The following FAT1 variants were observed in gnomAD, a reference collection of about 807,000 sequenced individuals.
FAT1 encodes the protein FAT atypical cadherin 1.
FAT1 carries 171 observed loss-of-function variants against 329.8 expected under a neutral mutation model. The ratio of observed to expected loss-of-function variants is 0.52; its 90% confidence interval spans 0.46 to 0.59. FAT1 has a LOEUF of 0.59. FAT1 is among the 20% of genes least tolerant of loss of function. The pLI, the probability that FAT1 is intolerant of heterozygous loss-of-function variation, is 0.00. For missense variants in FAT1, 5,672 were observed against 5,774.4 expected, an observed-to-expected ratio of 0.98 and a Z score of 0.57; for synonymous variants, 2,233 against 2,228.6, an observed-to-expected ratio of 1.00 and a Z score of -0.06.
rs1242462463 is a variant in FAT1, at chr4:186,709,241, G to C, written c.587C>G (p.Ala196Gly). Residue 196 changes from alanine to glycine, a missense_variant, in exon 2 of 27, where the codon GCT becomes GGT. Physicochemically the swap from Ala to Gly is moderately conservative, Grantham distance 60. This residue lies in a region of FAT1 where 3,966 missense variants were observed against 3,915.2 expected (regional missense o/e 1.01). Transcript: ENST00000441802. ...YSFKDRTDMF[A>G]IHPTSGVIVL... ...TATCACACCACTGGTTGGGTGAATA[G>C]CAAACATATCTGTTCGATCTTTAAA... is the stretch of plus-strand genomic sequence containing the variant. 1.2e-6 allele frequency: 2 copies of C among 1,614,008 alleles called. No homozygotes were observed. Among genetic ancestry groups the C allele is most frequent in the South Asian group, 2.2e-5 (2 of 91,090 alleles).
At chr4:186,629,577 A>C (rs1740489153) in intron 7 of FAT1, among the ~76,000 whole-genome samples, 1 of 152,226 alleles carries the variant, frequency 6.6e-6, no homozygotes, top group Admixed American at 6.5e-5. Flanking sequence ...GAGTTTAAGA[A>C]GAAGAAAACT....
rs1157383372 is a variant in FAT1 at position 186,707,388 on chromosome 4, C to G, written c.2440G>C (p.Asp814His). ...AWRLLHVVVV[D>H]ANDNPPEFLQ... ...AACTCGGGTGGATTATCATTGGCATCGACAACCACGACATGTAGAAGACGC... is the reference window on the plus strand; with the variant it reads ...AACTCGGGTGGATTATCATTGGCATGGACAACCACGACATGTAGAAGACGC... Residue 814 changes from aspartate (D) to histidine (H), a missense_variant, in exon 2 of 27, where the codon GAT (aspartate) becomes CAT (histidine). Around this residue, in one of 2 missense-constraint regions of FAT1, gnomAD observed 3,966 missense variants for 3,915.2 expected, o/e 1.01. Transcript: ENST00000441802. 1 of 1,613,940 alleles carries G rather than the reference C, an allele frequency of 6.2e-7. No homozygotes were observed. Among genetic ancestry groups the G allele is most frequent in the Non-Finnish European group, 8.5e-7 (1 of 1,179,892 alleles).
rs1744653061 is a variant in FAT1 at position 186,707,014 on chromosome 4, C to T, written c.2814G>A (p.Glu938=). ...TGATGACGGTTCCTTCTGGAAGATC[C>T]TCTCGGACTTTCACACGATAATTAG... is the stretch of plus-strand genomic sequence containing the variant. ...IPPNYRVKVR[E]DLPEGTVIMW... The change falls in exon 2 of 27, where the codon GAG becomes GAA. Residue 938 remains glutamate (E), a synonymous_variant. Coordinates refer to ENST00000441802, the MANE Select transcript of FAT1 (RefSeq NM_005245.4). The T allele has an allele frequency of 5.0e-6, 8 of 1,613,864 alleles. No homozygotes were observed. The highest frequency in any genetic ancestry group is 1.7e-5 in the Admixed American group (1 of 60,006).
chr4:186,631,157 T>C (rs1740565730), intron 7 of FAT1, among the ~76,000 whole-genome samples: 1 of 152,176 alleles, frequency 6.6e-6, no homozygotes, highest in South Asian at 2.1e-4. Context: ...ATGGCTGCTC[T>C]GTTGACTTCT....
In FAT1 at chr4:186,708,367, G is replaced by A. The variant is rs200179902; in HGVS notation, c.1461C>T (p.Ala487=). The stretch of plus-strand genomic sequence containing the variant: ...CGTTCTCACCCTCATCAGGGTCTAC[G>A]GCACTCAGGCTCATGACAGTAGTAC... The part of the protein sequence containing the change: ...PIGTTVMSLS[A]VDPDEGENGY... The change falls in exon 2 of 27, where the codon GCC becomes GCT. Residue 487 remains alanine (A), a synonymous_variant. Coordinates refer to ENST00000441802, the MANE Select transcript of FAT1 (RefSeq NM_005245.4). 27 of 1,613,812 alleles carry A rather than the reference G, an allele frequency of 1.7e-5. No homozygotes were observed. The highest frequency in any genetic ancestry group is 1.7e-4 in the Admixed American group (10 of 59,996).
At chr4:186,720,327 CT>C (rs950356106) in intron 1 of FAT1, among the ~76,000 whole-genome samples, 38 of 152,084 alleles carry the variant, frequency 2.5e-4, no homozygotes, top group African/African-American at 8.9e-4. Flanking sequence ...ACAATCCTCC[CT>C]TTTTTAATAA....
chr4:186,720,118 CT>C (rs1387946701), intron 1 of FAT1, among the ~76,000 whole-genome samples: 2 of 152,236 alleles, frequency 1.3e-5, no homozygotes, highest in African/African-American at 4.8e-5. Flanking sequence ...ACCAAGCTGT[CT>C]TGAGCCAATA....
chr4:186,670,016 A>C (rs1308053918), intron 2 of FAT1, among the ~76,000 whole-genome samples: 3 of 152,230 alleles, frequency 2.0e-5, no homozygotes, highest in Admixed American at 2.0e-4. Flanking sequence ...GTAATCTTTA[A>C]GGCAAAAATA....
intron 2 of FAT1, among the ~76,000 whole-genome samples, chr4:186,686,247 C>T (rs960638908): frequency 6.8e-6 from 1 of 147,866 alleles, no homozygotes; most frequent in African/African-American, 2.5e-5. Context: ...CACCCCCCCC[C>T]GACATTCTGA....
Position 186,619,817 on chromosome 4 carries a change from T to G in FAT1, c.6769A>C (p.Thr2257Pro), listed in dbSNP as rs2126509431. Residue 2257 changes from threonine to proline, a missense_variant, in exon 10 of 27, where the codon ACT becomes CCT. Transcript: ENST00000441802. ...GCATGAGCGCCCGTCAAGGAGTCAG[T>G]TGCGCGTATGCTCAGCTTATATGCC... ...HPAYKLSIRA[T>P]DSLTGAHAEV... The G allele has an allele frequency of 6.2e-7, 1 of 1,614,038 alleles. No individual in the cohort carries two copies. Among genetic ancestry groups the G allele is most frequent in the Non-Finnish European group, 8.5e-7 (1 of 1,179,890 alleles).
chr4:186,659,817 GA>G (rs1742082732), intron 3 of FAT1, among the ~76,000 whole-genome samples: 1 of 136,004 alleles, frequency 7.4e-6, no homozygotes, highest in Non-Finnish European at 1.6e-5. Context: ...TCCCCTGAAC[GA>G]CCCTGGGTGC....
In FAT1 at chr4:186,600,985, T is replaced by G. The variant is rs181729488; in HGVS notation, c.11640+284A>C. Among the ~76,000 whole-genome samples the G allele has an allele frequency of 2.6e-5, 4 of 152,344 alleles. 1 individual carries two copies. Among genetic ancestry groups the G allele is most frequent in the South Asian group, 4.1e-4 (2 of 4,828 alleles). ...CCTCAGCTTCCCAAAGTGCTGGGAT[T>G]ACAGGCGTGAGCCACCACACCCAGC... On this transcript the variant is annotated intron_variant, in intron 21 of 26. Coordinates refer to ENST00000441802, the MANE Select transcript of FAT1 (RefSeq NM_005245.4).
At chr4:186,657,878 T>C (rs1185533664) in intron 3 of FAT1, among the ~76,000 whole-genome samples, 2 of 152,190 alleles carry the variant, frequency 1.3e-5, no homozygotes, top group Non-Finnish European at 2.9e-5. Flanking sequence ...GCAAGGGTGG[T>C]GTCGATTTCC....
intron 2 of FAT1, among the ~76,000 whole-genome samples, chr4:186,664,637 C>G (rs1184705887): frequency 1.3e-5 from 2 of 152,216 alleles, no homozygotes; most frequent in Non-Finnish European, 2.9e-5. Context: ...TTTACCTCCT[C>G]TGGGGATAAG....
At chr4:186,647,655 C>A (rs1741442264) in intron 3 of FAT1, among the ~76,000 whole-genome samples, 1 of 152,182 alleles carries the variant, frequency 6.6e-6, no homozygotes, top group African/African-American at 2.4e-5. Flanking sequence ...TTCTGACAAA[C>A]CCTTGACTGC....
In FAT1 at chr4:186,618,130, A is replaced by G. The variant is rs2126491485; in HGVS notation, c.8456T>C (p.Val2819Ala). 6.2e-7 allele frequency: 1 copy of G among 1,614,000 alleles called. No homozygotes were observed. Among genetic ancestry groups the G allele is most frequent in the South Asian group, 1.1e-5 (1 of 91,082 alleles). Reference protein sequence around the residue: ...FESSPYEAFIVENLPGGSRVI... With the variant: ...FESSPYEAFIAENLPGGSRVI... ...TCTACTTCCCCCTGGCAGGTTTTCA[A>G]CAATGAATGCCTCATATGGACTAGA... is the stretch of plus-strand genomic sequence containing the variant. The change falls in exon 10 of 27, where the codon GTT becomes GCT. Residue 2819 changes from valine (V) to alanine (A), a missense_variant. Val to Ala is a moderately conservative substitution (Grantham distance 64). Around this residue, in one of 2 missense-constraint regions of FAT1, gnomAD observed 3,966 missense variants for 3,915.2 expected, o/e 1.01. Coordinates refer to ENST00000441802, the MANE Select transcript of FAT1 (RefSeq NM_005245.4).
At position 186,588,754 on chromosome 4, in the gene FAT1, C is replaced by T. The variant is rs2126349393; in HGVS notation, c.13605G>A (p.Met4535Ile). 2 of 1,614,008 alleles carry T rather than the reference C, an allele frequency of 1.2e-6. No homozygotes were observed. Among genetic ancestry groups the T allele is most frequent in the Non-Finnish European group, 8.5e-7 (1 of 1,179,896 alleles). Reference protein sequence around the residue: ...RHFEAPAVESMPMSVYASTAS... With the variant: ...RHFEAPAVESIPMSVYASTAS... The stretch of plus-strand genomic sequence containing the variant: ...CGGTGGAGGCGTACACAGACATGGG[C>T]ATGCTCTCGACAGCGGGCGCCTCGA... The change falls in exon 27 of 27, where the codon ATG becomes ATA. Residue 4535 changes from methionine (M) to isoleucine (I), a missense_variant. Physicochemically the swap from Met to Ile is conservative, Grantham distance 10. Around this residue, in one of 2 missense-constraint regions of FAT1, gnomAD observed 1,706 missense variants for 1,859.1 expected, o/e 0.92. Coordinates refer to ENST00000441802, the MANE Select transcript of FAT1 (RefSeq NM_005245.4).
chr4:186,639,676 T>A (rs1185437622), intron 4 of FAT1, 46 bp downstream of exon 4: 1 of 1,279,726 alleles, frequency 7.8e-7, no homozygotes, highest in Non-Finnish European at 1.1e-6. Flanking sequence ...CCCATGATAC[T>A]TGTAACTACG....
intron 3 of FAT1, among the ~76,000 whole-genome samples, chr4:186,649,132 G>T (rs946778969): frequency 6.6e-6 from 1 of 151,990 alleles, no homozygotes; most frequent in East Asian, 1.9e-4. Flanking sequence ...AGAAGTGGCC[G>T]GGAGAGCCCA....
Sources: gnomAD v4.1 joint callset for allele counts (sites outside exome capture counted in the v4.1 genomes callset) on GRCh38, gnomAD v4.1.1 for gene constraint, gnomAD v4.1.1 regional missense constraint, MANE v1.5 for transcripts, NCBI Gene and HGNC (gene_info 2026-07-23, HGNC 2026-07-21) for gene names.